The following LRCH1 variants were observed in gnomAD, a reference collection of about 807,000 sequenced individuals.
LRCH1 encodes leucine-rich repeat and calponin homology domain-containing protein 1.
LRCH1 carries 23 observed loss-of-function variants against 94.9 expected under a neutral mutation model. The observed-to-expected ratio is 0.24, with a 90% CI of 0.17 to 0.34. LRCH1 has a LOEUF of 0.34. LRCH1 is among the 10% of genes least tolerant of loss of function. The pLI, the probability that LRCH1 is intolerant of heterozygous loss-of-function variation, is 1.00. For synonymous variants in LRCH1, 364 were observed against 354.9 expected, an observed-to-expected ratio of 1.03 and a Z score of -0.29; for missense variants, 790 against 945.9, an observed-to-expected ratio of 0.84 and a Z score of 2.16.
intron 1 of LRCH1, among the ~76,000 whole-genome samples, chr13:46,645,779 A>G (rs1439829773): frequency 6.6e-6 from 1 of 152,212 alleles, no homozygotes; most frequent in Admixed American, 6.5e-5. Flanking sequence ...CTACAAAAAT[A>G]CTATTTTCTT....
intron 1 of LRCH1, among the ~76,000 whole-genome samples, chr13:46,554,405 C>T (rs1251214920): frequency 6.6e-6 from 1 of 152,168 alleles, no homozygotes. Context: ...TCCTTCCGTG[C>T]CTTTTGCTCA....
intron 8 of LRCH1, 48 bp downstream of exon 8, chr13:46,692,689 T>C (rs752537263): frequency 7.0e-7 from 1 of 1,424,990 alleles, no homozygotes; most frequent in South Asian, 1.1e-5. Flanking sequence ...CAGTTTCAAA[T>C]GTTATGTTTA....
chr13:46,640,682 CT>C (rs2138062583), intron 1 of LRCH1, among the ~76,000 whole-genome samples: 1 of 152,324 alleles, frequency 6.6e-6, no homozygotes, highest in South Asian at 2.1e-4. Context: ...CTTCATGGAG[CT>C]TACGTTCTAG....
chr13:46,603,600 T>C (rs1335038049), intron 1 of LRCH1, among the ~76,000 whole-genome samples: 1 of 152,202 alleles, frequency 6.6e-6, no homozygotes, highest in Non-Finnish European at 1.5e-5. Context: ...ATTTTAAGCA[T>C]TGGTAGTTTT....
At chr13:46,687,532 C>A (rs969353332) in intron 5 of LRCH1, among the ~76,000 whole-genome samples, 1 of 152,158 alleles carries the variant, frequency 6.6e-6, no homozygotes. Flanking sequence ...TCTTTTGTAA[C>A]TGGAATTTCA....
intron 1 of LRCH1, among the ~76,000 whole-genome samples, chr13:46,631,079 A>G (rs1002071512): frequency 3.3e-4 from 51 of 152,316 alleles, no homozygotes; most frequent in African/African-American, 1.2e-3. Context: ...GGCTTTTTGC[A>G]AGCTTTCAAC....
At chr13:46,616,433 G>T (rs138746735) in intron 1 of LRCH1, among the ~76,000 whole-genome samples, 8 of 152,258 alleles carry the variant, frequency 5.3e-5, no homozygotes, top group Non-Finnish European at 4.4e-5. Flanking sequence ...CCCAGTCTTT[G>T]GTCATAAGCC....
intron 1 of LRCH1, among the ~76,000 whole-genome samples, chr13:46,600,331 G>T (rs2050613474): frequency 6.6e-6 from 1 of 152,200 alleles, no homozygotes; most frequent in Admixed American, 6.5e-5. Context: ...AAATCTTTCA[G>T]GTATTTTGCA....
chr13:46,667,435 A>G (rs2051531650), intron 2 of LRCH1, among the ~76,000 whole-genome samples: 1 of 151,260 alleles, frequency 6.6e-6, no homozygotes, highest in African/African-American at 2.4e-5. Context: ...ATACATCTCA[A>G]AGAATTTTCA....
intron 3 of LRCH1, among the ~76,000 whole-genome samples, chr13:46,673,934 C>G (rs1389525544): frequency 1.3e-5 from 2 of 152,134 alleles, no homozygotes; most frequent in African/African-American, 4.8e-5. Context: ...GCACGTACCA[C>G]TGCACCCAGC....
chr13:46,573,866 A>ATATATATATATATATATATAT, intron 1 of LRCH1, among the ~76,000 whole-genome samples: 32 of 63,392 alleles, frequency 5.0e-4, no homozygotes, highest in East Asian at 2.0e-3. Flanking sequence ...ATATATATAT[A>ATATATATATATATATATATAT]TTTTTTTTTT....
chr13:46,641,934 A>G (rs2138064532), intron 1 of LRCH1, among the ~76,000 whole-genome samples: 1 of 152,266 alleles, frequency 6.6e-6, no homozygotes, highest in East Asian at 1.9e-4. Context: ...CTCGGCTTTC[A>G]TGTGAATGCT....
At chr13:46,553,782 G>C in intron 1 of LRCH1, 79 bp downstream of exon 1, 2 of 1,564,230 alleles carry the variant, frequency 1.3e-6, no homozygotes, top group South Asian at 1.2e-5. Context: ...GCGGTGGACA[G>C]TCGGAGATCT....
At chr13:46,686,170 G>T (rs1181221930) in intron 5 of LRCH1, 129 bp downstream of exon 5, 4 of 927,098 alleles carry the variant, frequency 4.3e-6, no homozygotes, top group Non-Finnish European at 4.4e-6. Flanking sequence ...CAGATTAATT[G>T]GAGAAAAGGC....
At chr13:46,624,204 C>A (rs1029635133) in intron 1 of LRCH1, among the ~76,000 whole-genome samples, 11 of 152,092 alleles carry the variant, frequency 7.2e-5, no homozygotes, top group Non-Finnish European at 1.3e-4. Flanking sequence ...ACTTGCAATA[C>A]CTTTTCTGCA....
chr13:46,687,538 T>C (rs1870683992), intron 5 of LRCH1, among the ~76,000 whole-genome samples: 1 of 152,234 alleles, frequency 6.6e-6, no homozygotes, highest in African/African-American at 2.4e-5. Flanking sequence ...GTAACTGGAA[T>C]TTCACCAGGC....
chr13:46,615,823 T>C (rs1201204718), intron 1 of LRCH1, among the ~76,000 whole-genome samples: 1 of 152,220 alleles, frequency 6.6e-6, no homozygotes, highest in African/African-American at 2.4e-5. Context: ...AAATGAGTTA[T>C]CATTATGAAT....
chr13:46,744,391 T>C lies in LRCH1; in HGVS notation c.*2543T>C, dbSNP rs1015021972. The C allele has an allele frequency of 1.1e-5, 11 of 985,300 alleles. No homozygotes were observed. The African/African-American group carries it at 1.9e-4, about 17-fold the overall frequency. The allele number at this position is 985,300 out of a possible 1,614,324, so 61.0% of individuals were successfully genotyped here. A position where few individuals can be genotyped will look rare whatever the true frequency, so the allele number is the denominator to read the frequency against. On this transcript the variant is annotated 3_prime_UTR_variant, in exon 20 of 20. Transcript: ENST00000389797. Reference sequence around the variant, plus strand: ...GCCATTTGTATTCTCTTTCTCCAGTTTCTCCAACTGGTGGCAACTCTCCAC... The same window carrying C: ...GCCATTTGTATTCTCTTTCTCCAGTCTCTCCAACTGGTGGCAACTCTCCAC...
Position 46,653,563 on chromosome 13 carries a change from G to A in LRCH1, c.452+3218G>A, listed in dbSNP as rs146578569. ...TAGTAGGCTGGGCTTGGTGGCTCAC[G>A]CCTGTAATCCCAGCACTTTGGGAGG... On this transcript the variant is annotated intron_variant, in intron 2 of 19. Coordinates refer to ENST00000389797, the MANE Select transcript of LRCH1 (RefSeq NM_001164211.2). Among the ~76,000 whole-genome samples the A allele has an allele frequency of 7.1e-3, 1,081 of 152,210 alleles. 20 individuals are homozygous for A. Among genetic ancestry groups the A allele is most frequent in the African/African-American group, 0.024 (1,017 of 41,544 alleles).
Sources: gnomAD v4.1 joint callset for allele counts (sites outside exome capture counted in the v4.1 genomes callset) on GRCh38, gnomAD v4.1.1 for gene constraint, MANE v1.5 for transcripts, NCBI Gene and HGNC (gene_info 2026-07-23, HGNC 2026-07-21) for gene names.